Variants in MMP26 observed in about 807,000 individuals in gnomAD.
MMP26 encodes matrix metalloproteinase-26.
In MMP26, 33 loss-of-function variants were observed where a neutral mutation model predicts 31.0. The observed-to-expected ratio is 1.06, with a 90% CI of 0.81 to 1.42. MMP26 has a LOEUF of 1.42. MMP26 is among the 40% of genes most tolerant of loss of function. MMP26 has a pLI of 0.00. For missense variants in MMP26, 347 were observed against 316.1 expected, an observed-to-expected ratio of 1.10 and a Z score of -0.74; for synonymous variants, 122 against 114.9, an observed-to-expected ratio of 1.06 and a Z score of -0.40.
chr11:4,739,952 C>G (rs1025613385), intron 1 of MMP26, among the ~76,000 whole-genome samples: 8 of 152,044 alleles, frequency 5.3e-5, no homozygotes, highest in Admixed American at 5.2e-4. Flanking sequence ...AGCTTGTGGG[C>G]ATTATTTAAT....
In MMP26 at chr11:4,896,711, T is replaced by C. The variant is rs192132531; in HGVS notation, c.-144-91357T>C. 1.1e-4 allele frequency among the ~76,000 whole-genome samples: 17 copies of C among 152,326 alleles called. 1 individual carries two copies. The East Asian group carries it at 3.3e-3, about 29-fold the overall frequency. On this transcript the variant is annotated intron_variant, in intron 2 of 7. Coordinates refer to ENST00000380390, the MANE Select transcript of MMP26 (RefSeq NM_021801.5). ...CCTTTTTTATGAATAAAATATAATT[T>C]ACACATGGTAAGATGGATAAACACA...
chr11:4,716,500 A>G (rs1408629849), intron 1 of MMP26, among the ~76,000 whole-genome samples: 1 of 152,130 alleles, frequency 6.6e-6, no homozygotes, highest in African/African-American at 2.4e-5. Flanking sequence ...CACAGCAGGG[A>G]TGCAGGCTAA....
chr11:4,918,150 G>A (rs1197591246), intron 2 of MMP26, among the ~76,000 whole-genome samples: 1 of 151,996 alleles, frequency 6.6e-6, no homozygotes, highest in Admixed American at 6.5e-5. Context: ...GAGGCTTAGA[G>A]AATTTTATAA....
At chr11:4,866,547 T>C (rs1434986393) in intron 2 of MMP26, among the ~76,000 whole-genome samples, 1 of 152,152 alleles carries the variant, frequency 6.6e-6, no homozygotes, top group Non-Finnish European at 1.5e-5. Context: ...CCTATTAAAG[T>C]AGTATTGGCA....
chr11:4,708,865 T>C (rs1847819076), intron 1 of MMP26, among the ~76,000 whole-genome samples: 1 of 152,254 alleles, frequency 6.6e-6, no homozygotes, highest in South Asian at 2.1e-4. Context: ...ATTTAAGCCA[T>C]CTTTTTTCAG....
chr11:4,878,873 C>T (rs1168928670), intron 2 of MMP26, among the ~76,000 whole-genome samples: 1 of 152,082 alleles, frequency 6.6e-6, no homozygotes, highest in Non-Finnish European at 1.5e-5. Flanking sequence ...TTGATACTCA[C>T]TGGGATAAGC....
At chr11:4,732,126 T>A (rs1278378649) in intron 1 of MMP26, among the ~76,000 whole-genome samples, 1 of 152,172 alleles carries the variant, frequency 6.6e-6, no homozygotes, top group African/African-American at 2.4e-5. Context: ...AGTTTACCAA[T>A]CCACACCTCA....
intron 2 of MMP26, among the ~76,000 whole-genome samples, chr11:4,924,998 T>C (rs1329400164): frequency 1.3e-5 from 2 of 152,218 alleles, no homozygotes; most frequent in Non-Finnish European, 1.5e-5. Flanking sequence ...ATAAGTGTAG[T>C]GTGACTAGTA....
At chr11:4,864,983 T>G (rs2133518785) in intron 2 of MMP26, among the ~76,000 whole-genome samples, 1 of 152,258 alleles carries the variant, frequency 6.6e-6, no homozygotes, top group South Asian at 2.1e-4. Context: ...TTTCAGCTTT[T>G]TGGACTTAGG....
At chr11:4,904,959 T>A (rs1850860907) in intron 2 of MMP26, among the ~76,000 whole-genome samples, 1 of 152,062 alleles carries the variant, frequency 6.6e-6, no homozygotes, top group Admixed American at 6.6e-5. Context: ...TTTGGTAGGG[T>A]AGGGTTACAT....
At position 4,949,507 on chromosome 11, in the gene MMP26, T is replaced by C. The variant is rs1397182303; in HGVS notation, c.-144-38561T>C. 1.6e-5 allele frequency among the ~76,000 whole-genome samples: 2 copies of C among 123,098 alleles called. 1 individual carries two copies. Among genetic ancestry groups the C allele is most frequent in the Non-Finnish European group, 3.7e-5 (2 of 54,448 alleles). 80.8% of individuals were successfully genotyped at this position (123,098 alleles called of 152,430 possible). ...AGTTGAGGTTTCTCTTGGCCCCATA[T>C]ACTGAAATAATAGTGAAGGGGGGCA... On this transcript the variant is annotated intron_variant, in intron 2 of 7. Transcript: ENST00000380390.
chr11:4,714,703 C>A (rs1044481393), intron 1 of MMP26, among the ~76,000 whole-genome samples: 4 of 152,034 alleles, frequency 2.6e-5, no homozygotes, highest in African/African-American at 9.7e-5. Context: ...GACGGTATAA[C>A]AATATCACTT....
chr11:4,707,678 G>A lies in MMP26; in HGVS notation c.-217+2633G>A, dbSNP rs114396457. Among the ~76,000 whole-genome samples, 376 of 152,278 alleles carry A rather than the reference G, an allele frequency of 2.5e-3. 2 individuals are homozygous for A. Among genetic ancestry groups the A allele is most frequent in the African/African-American group, 8.6e-3 (359 of 41,564 alleles). Reference sequence around the variant, plus strand: ...TTGTTTTCCTCCTATGTTGAAATATGTTTTTATGATTGCATGAATTTAACT... The same window carrying A: ...TTGTTTTCCTCCTATGTTGAAATATATTTTTATGATTGCATGAATTTAACT... On this transcript the variant is annotated intron_variant, in intron 1 of 7. Transcript: ENST00000380390.
intron 1 of MMP26, among the ~76,000 whole-genome samples, chr11:4,717,226 AT>A (rs1412046607): frequency 1.3e-5 from 2 of 152,134 alleles, no homozygotes; most frequent in African/African-American, 4.8e-5. Flanking sequence ...TTTCTGAACT[AT>A]CCTATTATTT....
At chr11:4,845,167 G>A (rs796228048) in intron 2 of MMP26, among the ~76,000 whole-genome samples, 4 of 151,966 alleles carry the variant, frequency 2.6e-5, no homozygotes, top group Admixed American at 2.6e-4. Flanking sequence ...ATAGCCACAT[G>A]TAAAATTAAA....
chr11:4,787,837 T>C (rs570612324), intron 2 of MMP26: 1 of 152,316 alleles, frequency 6.6e-6, no homozygotes, highest in African/African-American at 2.4e-5. Context: ...ACCCACTATC[T>C]TCAAGTTCTG....
At chr11:4,807,639 G>A (rs1244015981) in intron 2 of MMP26, among the ~76,000 whole-genome samples, 1 of 151,290 alleles carries the variant, frequency 6.6e-6, no homozygotes, top group African/African-American at 2.4e-5. Context: ...GTTGGGGGAG[G>A]GATAGCATTA....
At chr11:4,927,246 C>T (rs1430042511) in intron 2 of MMP26, among the ~76,000 whole-genome samples, 4 of 152,112 alleles carry the variant, frequency 2.6e-5, no homozygotes, top group Admixed American at 6.6e-5. Flanking sequence ...AAAGTATCTT[C>T]GAAGTACAAT....
intron 2 of MMP26, among the ~76,000 whole-genome samples, chr11:4,773,641 T>G (rs1358562542): frequency 3.9e-5 from 6 of 151,946 alleles, no homozygotes; most frequent in Non-Finnish European, 7.4e-5. Context: ...TTTATTTTTA[T>G]TTTTAGTTCT....
Sources: allele counts gnomAD v4.1 joint callset (sites outside exome capture counted in the v4.1 genomes callset), GRCh38; gene constraint gnomAD v4.1.1; transcripts MANE v1.5; gene names NCBI Gene and HGNC (gene_info 2026-07-23, HGNC 2026-07-21).